PLXDC2: variants seen among roughly 807,000 people sequenced by gnomAD.
PLXDC2 encodes plexin domain containing 2.
A neutral mutation model predicts 68.9 loss-of-function variants in PLXDC2; 40 were observed. That is an observed-to-expected ratio of 0.58 (90% CI 0.45 to 0.76). The LOEUF (loss-of-function observed/expected upper bound fraction) is 0.76, where lower values mean the gene tolerates loss of function less well. PLXDC2 is among the 30% of genes least tolerant of loss of function. The probability of loss-of-function intolerance (pLI) is 0.00; values close to 1 mark genes in which losing one functional copy is unlikely to be tolerated. For missense variants in PLXDC2, 644 were observed against 661.9 expected (o/e 0.97, Z 0.30); for synonymous variants, 243 against 234.2 (o/e 1.04, Z -0.34).
chr10:19,976,235 A>G (rs1428270765), intron 1 of PLXDC2, among the ~76,000 whole-genome samples: 6 of 151,810 alleles, frequency 4.0e-5, no homozygotes, highest in South Asian at 2.1e-4. Flanking sequence ...TTTTTTTGAG[A>G]CAGAGTCTCA....
chr10:20,089,790 G>T (rs995771468), intron 4 of PLXDC2, among the ~76,000 whole-genome samples: 5 of 152,184 alleles, frequency 3.3e-5, no homozygotes, highest in Admixed American at 3.3e-4. Context: ...TTCACTGCAG[G>T]TAAAAGAGAG....
intron 1 of PLXDC2, among the ~76,000 whole-genome samples, chr10:19,994,919 T>G (rs1282169289): frequency 6.6e-6 from 1 of 152,002 alleles, no homozygotes; most frequent in Non-Finnish European, 1.5e-5. Context: ...ATTTTTTGTA[T>G]TTTTAGTAGA....
chr10:20,059,526 A>C (rs1044310556), intron 3 of PLXDC2, among the ~76,000 whole-genome samples: 22 of 152,218 alleles, frequency 1.4e-4, no homozygotes, highest in African/African-American at 4.3e-4. Context: ...AATAGCCAGG[A>C]TTAATTAAGT....
intron 1 of PLXDC2, among the ~76,000 whole-genome samples, chr10:19,977,151 A>T (rs1191815344): frequency 2.6e-5 from 4 of 152,252 alleles, no homozygotes; most frequent in African/African-American, 9.6e-5. Flanking sequence ...GTTTGCTCGT[A>T]TTGTGAAATG....
intron 10 of PLXDC2, among the ~76,000 whole-genome samples, chr10:20,213,240 A>G (rs1290937209): frequency 6.6e-6 from 1 of 152,096 alleles, no homozygotes; most frequent in African/African-American, 2.4e-5. Flanking sequence ...TGTATTATAT[A>G]AGGTAGAGAT....
chr10:19,976,470 C>T (rs1044057304), intron 1 of PLXDC2, among the ~76,000 whole-genome samples: 2 of 152,174 alleles, frequency 1.3e-5, no homozygotes, highest in African/African-American at 4.8e-5. Flanking sequence ...TCCTTGGCCT[C>T]CCAAAGTGCT....
intron 1 of PLXDC2, among the ~76,000 whole-genome samples, chr10:19,858,280 C>T (rs1351261407): frequency 6.6e-6 from 1 of 152,184 alleles, no homozygotes. Flanking sequence ...GGAACCTGCA[C>T]CATGCAGCTA....
chr10:19,876,136 G>C (rs117204755), intron 1 of PLXDC2, among the ~76,000 whole-genome samples: 1 of 152,088 alleles, frequency 6.6e-6, no homozygotes, highest in Non-Finnish European at 1.5e-5. Flanking sequence ...CTATGGGTCT[G>C]GGAGAGTAAT....
intron 12 of PLXDC2, among the ~76,000 whole-genome samples, chr10:20,241,411 T>A (rs983878837): frequency 2.0e-5 from 3 of 152,198 alleles, no homozygotes; most frequent in African/African-American, 7.2e-5. Flanking sequence ...GTTCTGGTCC[T>A]CCAGCACATT....
chr10:20,159,466 G>A (rs554466613), intron 6 of PLXDC2, among the ~76,000 whole-genome samples: 252 of 152,176 alleles, frequency 1.7e-3, no homozygotes, highest in African/African-American at 5.7e-3. Flanking sequence ...GTGGAGCATG[G>A]CACCTTCTCT....
intron 3 of PLXDC2, among the ~76,000 whole-genome samples, chr10:20,060,327 T>C (rs1450614988): frequency 5.3e-5 from 8 of 152,114 alleles, no homozygotes; most frequent in African/African-American, 1.9e-4. Context: ...CGGCCTATAT[T>C]ACTTTTATAA....
At chr10:20,103,843 A>G (rs1293046094) in intron 4 of PLXDC2, among the ~76,000 whole-genome samples, 1 of 152,118 alleles carries the variant, frequency 6.6e-6, no homozygotes, top group Non-Finnish European at 1.5e-5. Flanking sequence ...GGGTTTTGCC[A>G]TGTTGGCCAG....
intron 2 of PLXDC2, among the ~76,000 whole-genome samples, chr10:20,013,514 A>T (rs1444620848): frequency 6.6e-6 from 1 of 152,140 alleles, no homozygotes; most frequent in Admixed American, 6.5e-5. Context: ...TTTCCTAAGA[A>T]CATTTAGGTT....
intron 2 of PLXDC2, among the ~76,000 whole-genome samples, chr10:20,012,325 TTTTTTTTTTGG>T (rs1229877907): frequency 0.016 from 324 of 20,410 alleles, 18 homozygotes; most frequent in African/African-American, 0.038. Context: ...TTTTTTTTTT[TTTTTTTTTTGG>T]AGAAGGAGAC....
chr10:20,168,325 CA>C (rs1834401323), intron 7 of PLXDC2, among the ~76,000 whole-genome samples: 1 of 152,096 alleles, frequency 6.6e-6, no homozygotes, highest in South Asian at 2.1e-4. Context: ...ACACAGCATG[CA>C]TTACCTAGCA....
At chr10:20,046,436 T>G (rs1455351837) in intron 2 of PLXDC2, among the ~76,000 whole-genome samples, 1 of 152,134 alleles carries the variant, frequency 6.6e-6, no homozygotes, top group Non-Finnish European at 1.5e-5. Context: ...ATCATAGTAT[T>G]TCTTTTAGTC....
At position 19,881,662 on chromosome 10, in the gene PLXDC2, G is replaced by A. The variant is rs549581270; in HGVS notation, c.112+64471G>A. On this transcript the variant is annotated intron_variant, in intron 1 of 13. Transcript: ENST00000377252. ...GTGACAATAAAAATGTTAAAGATTT[G>A]TTACATTATTGAGAAAATGAAAAGG... 2.0e-5 allele frequency among the ~76,000 whole-genome samples: 3 copies of A among 152,192 alleles called. No homozygotes were observed. In the East Asian group the frequency reaches 5.8e-4, roughly 29 times the overall value.
At chr10:20,235,035 A>G (rs1835415237) in intron 12 of PLXDC2, among the ~76,000 whole-genome samples, 1 of 152,192 alleles carries the variant, frequency 6.6e-6, no homozygotes, top group Non-Finnish European at 1.5e-5. Context: ...TCTTATTTAG[A>G]TAGGCTACTA....
chr10:19,877,540 C>A (rs932208252), intron 1 of PLXDC2, among the ~76,000 whole-genome samples: 2 of 152,156 alleles, frequency 1.3e-5, no homozygotes, highest in African/African-American at 4.8e-5. Context: ...ATCTCTCTTA[C>A]TTTTACTTTA....
Sources: gnomAD v4.1 joint callset for allele counts (sites outside exome capture counted in the v4.1 genomes callset) on GRCh38, gnomAD v4.1.1 for gene constraint, MANE v1.5 for transcripts, NCBI Gene and HGNC (gene_info 2026-07-23, HGNC 2026-07-21) for gene names.